The following BRCA2 variants were observed in gnomAD, a reference collection of about 807,000 sequenced individuals.
BRCA2 encodes the protein breast cancer type 2 susceptibility protein.
A neutral mutation model predicts 276.7 loss-of-function variants in BRCA2; 203 were observed. That is an observed-to-expected ratio of 0.73 (90% CI 0.65 to 0.82). The LOEUF is 0.82. BRCA2 is among the 40% of genes least tolerant of loss of function. The pLI, the probability that BRCA2 is intolerant of heterozygous loss-of-function variation, is 0.00. For missense variants in BRCA2, 3,920 were observed against 3,915.0 expected, an observed-to-expected ratio of 1.00 and a Z score of -0.03; for synonymous variants, 1,289 against 1,338.4, an observed-to-expected ratio of 0.96 and a Z score of 0.81.
In BRCA2 at chr13:32,326,540, T is replaced by C. The variant is rs1555281062; in HGVS notation, c.558T>C (p.Ala186=). Residue 186 remains alanine, a synonymous_variant, in exon 7 of 27, where the codon GCT becomes GCC. Coordinates refer to ENST00000380152, the MANE Select transcript of BRCA2 (RefSeq NM_000059.4). ...TPKHISESLG[A]EVDPDMSWSS... Reference sequence around the variant, plus strand: ...AACATATTTCTGAAAGTCTAGGAGCTGAGGTGGATCCTGATATGTCTTGGT... The same window carrying C: ...AACATATTTCTGAAAGTCTAGGAGCCGAGGTGGATCCTGATATGTCTTGGT... 1.2e-6 allele frequency: 2 copies of C among 1,613,932 alleles called. No individual in the cohort carries two copies. Among genetic ancestry groups the C allele is most frequent in the African/African-American group, 1.3e-5 (1 of 74,950 alleles).
Position 32,339,075 on chromosome 13 carries a change from A to G in BRCA2, c.4720A>G (p.Lys1574Glu). The change falls in exon 11 of 27, where the codon AAA (lysine) becomes GAA (glutamate). Residue 1574 changes from lysine to glutamate, a missense_variant. Transcript: ENST00000380152. ...AKTLKYREACKDLELACETIE... is the reference protein window; with the variant it reads ...AKTLKYREACEDLELACETIE... ...GACCCTAAAGTACAGAGAGGCCTGT[A>G]AAGACCTTGAATTAGCATGTGAGAC... 6.2e-7 allele frequency: 1 copy of G among 1,614,038 alleles called. No homozygotes were observed. The highest frequency in any genetic ancestry group is 8.5e-7 in the Non-Finnish European group (1 of 1,179,928).
Position 32,354,875 on chromosome 13 carries a change from G to A in BRCA2, c.7022G>A (p.Arg2341His), listed in dbSNP as rs786202839. The change falls in exon 14 of 27, where the codon CGT becomes CAT. Residue 2341 changes from arginine to histidine, a missense_variant. Arg to His is a conservative substitution (Grantham distance 29). This residue lies in a region of BRCA2 where 3,263 missense variants were observed against 3,156.9 expected (regional missense o/e 1.03). Coordinates refer to ENST00000380152, the MANE Select transcript of BRCA2 (RefSeq NM_000059.4). The part of the protein sequence containing the change: ...TCVPFRTTKE[R>H]QEIQNPNFTA... ...CCCCATTGCAGCACAACTAAGGAAC[G>A]TCAAGAGATACAGAATCCAAATTTT... 4 of 1,595,478 alleles carry A rather than the reference G, an allele frequency of 2.5e-6. No individual in the cohort carries two copies. Among genetic ancestry groups the A allele is most frequent in the Non-Finnish European group, 2.6e-6 (3 of 1,163,298 alleles).
intron 17 of BRCA2, among the ~76,000 whole-genome samples, chr13:32,362,900 C>A (rs1404489992): frequency 1.3e-5 from 2 of 152,126 alleles, no homozygotes; most frequent in African/African-American, 4.8e-5. Context: ...TTCCCCACCC[C>A]CTCCTTAACC....
rs755864117 is a variant in BRCA2 at position 32,398,067 on chromosome 13, T to G, written c.9649-95T>G. 3.6e-5 allele frequency: 49 copies of G among 1,353,902 alleles called. 1 individual carries two copies. The highest frequency in any genetic ancestry group is 1.2e-4 in the Admixed American group (6 of 51,840). The allele number at this position is 1,353,902 out of a possible 1,614,324, so 83.9% of individuals were successfully genotyped here. ...GGGGAGGGAGACTGTGTGTAATATT[T>G]GCGTGCTTAAATATTTTCAATGAAA... On this transcript the variant is annotated intron_variant, in intron 26 of 26. Transcript: ENST00000380152.
chr13:32,356,404 TG>T (rs1456603013), intron 14 of BRCA2, 23 bp from the exon 15 acceptor site: 2 of 1,606,016 alleles, frequency 1.2e-6, no homozygotes, highest in African/African-American at 2.7e-5. Flanking sequence ...ATTTTATTTT[TG>T]CTAAGTATTT....
At chr13:32,328,245 GTT>G (rs1173083833) in intron 7 of BRCA2, among the ~76,000 whole-genome samples, 1 of 139,354 alleles carries the variant, frequency 7.2e-6, no homozygotes. Flanking sequence ...TTTCTTTTTC[GTT>G]TTTTTTTTTT....
At position 32,380,156 on chromosome 13, in the gene BRCA2, ATATAGT is replaced by A. The variant is rs1555288595; in HGVS notation, c.9256+14_9256+19del. 1 of 1,597,584 alleles carries A rather than the reference ATATAGT, an allele frequency of 6.3e-7. No individual in the cohort carries two copies. Among genetic ancestry groups the A allele is most frequent in the Middle Eastern group, 1.7e-4 (1 of 5,970 alleles). On this transcript the variant is annotated intron_variant, in intron 24 of 26. Coordinates refer to ENST00000380152, the MANE Select transcript of BRCA2 (RefSeq NM_000059.4). ...TTGTGAAAAAAACAGGTAATGCACA[ATATAGT>A]TAATTTTTTTTATTGATTCTTTTAA...
intron 18 of BRCA2, among the ~76,000 whole-genome samples, chr13:32,366,657 A>C (rs958592762): frequency 6.6e-6 from 1 of 152,014 alleles, no homozygotes; most frequent in Non-Finnish European, 1.5e-5. Context: ...CCCCGTCTCT[A>C]CTAAAAATAT....
At position 32,340,343 on chromosome 13, in the gene BRCA2, A is replaced by G. The variant is rs773045221; in HGVS notation, c.5988A>G (p.Ala1996=). 1.9e-6 allele frequency: 3 copies of G among 1,614,030 alleles called. No individual in the cohort carries two copies. In the Admixed American group the frequency reaches 5.0e-5, roughly 27 times the overall value. The change falls in exon 11 of 27, where the codon GCA becomes GCG. Residue 1996 remains alanine, a synonymous_variant. Transcript: ENST00000380152. ...TATCAGATGCTTCATTACAAAACGC[A>G]AGACAAGTGTTTTCTGAAATAGAAG... ...VQVSDASLQN[A]RQVFSEIEDS...
chr13:32,370,875 G>C, intron 19 of BRCA2, 81 bp from the exon 20 acceptor site: 1 of 1,555,746 alleles, frequency 6.4e-7, no homozygotes, highest in South Asian at 1.1e-5. Flanking sequence ...TTACAGATGT[G>C]AGCCACTGTG....
At chr13:32,382,847 T>G (rs1302999951) in intron 24 of BRCA2, among the ~76,000 whole-genome samples, 1 of 152,228 alleles carries the variant, frequency 6.6e-6, no homozygotes, top group East Asian at 1.9e-4. Flanking sequence ...TGGGGCACTG[T>G]TCTCAGATAC....
chr13:32,364,883 A>G (rs1302314528), intron 18 of BRCA2, among the ~76,000 whole-genome samples: 1 of 152,096 alleles, frequency 6.6e-6, no homozygotes, highest in Non-Finnish European at 1.5e-5. Context: ...TTTCTGTGTT[A>G]GAAACCCCAT....
chr13:32,335,923 C>T (rs1053309926), intron 10 of BRCA2, among the ~76,000 whole-genome samples: 1 of 151,954 alleles, frequency 6.6e-6, no homozygotes, highest in Admixed American at 6.6e-5. Context: ...ATTCTGTTAC[C>T]TAGTCTGGAG....
rs1358226474 is a variant in BRCA2, at chr13:32,316,459, A to G, written c.-2A>G. 3.7e-6 allele frequency: 6 copies of G among 1,613,524 alleles called. No homozygotes were observed. The African/African-American group carries it at 8.0e-5, about 22-fold the overall frequency. ...AGCATTGGAGGAATATCGTAGGTAA[A>G]AATGCCTATTGGATCCAAAGAGAGG... On this transcript the variant is annotated 5_prime_UTR_variant, in exon 2 of 27. Coordinates refer to ENST00000380152, the MANE Select transcript of BRCA2 (RefSeq NM_000059.4).
chr13:32,400,257 T>G lies in BRCA2; in HGVS notation c.*1487T>G, dbSNP rs2073074295. 6.6e-6 allele frequency: 1 copy of G among 152,248 alleles called. No homozygotes were observed. The highest frequency in any genetic ancestry group is 1.5e-5 in the Non-Finnish European group (1 of 68,036). 9.4% of individuals were successfully genotyped at this position (152,248 alleles called of 1,614,324 possible). ...ACGTTTAAAGCCAAGAATAAATCTT[T>G]TAAAAAATTGACTTGTTTCCTTCCA... On this transcript the variant is annotated 3_prime_UTR_variant, in exon 27 of 27. Transcript: ENST00000380152.
chr13:32,357,511 G>T (rs1297393615), intron 15 of BRCA2, among the ~76,000 whole-genome samples: 1 of 152,178 alleles, frequency 6.6e-6, no homozygotes, highest in Non-Finnish European at 1.5e-5. Context: ...AGCAGGAGGC[G>T]TATAAACGGG....
intron 16 of BRCA2, among the ~76,000 whole-genome samples, chr13:32,361,956 C>G (rs2072740062): frequency 6.6e-6 from 1 of 152,064 alleles, no homozygotes; most frequent in Non-Finnish European, 1.5e-5. Context: ...TATTTAAAAT[C>G]AAGGATCTCA....
At chr13:32,328,627 G>A (rs2137456809) in intron 7 of BRCA2, among the ~76,000 whole-genome samples, 1 of 152,174 alleles carries the variant, frequency 6.6e-6, no homozygotes, top group Middle Eastern at 3.4e-3. Context: ...TGAAAATTCT[G>A]AGTACATCAC....
In BRCA2 at chr13:32,398,897, A is replaced by T; in HGVS notation, c.*127A>T. The T allele has an allele frequency of 7.8e-7, 1 of 1,281,032 alleles. No individual in the cohort carries two copies. Among genetic ancestry groups the T allele is most frequent in the Non-Finnish European group, 1.0e-6 (1 of 954,806 alleles). 79.4% of individuals were successfully genotyped at this position (1,281,032 alleles called of 1,614,324 possible). A position where few individuals can be genotyped will look rare whatever the true frequency, so the allele number is the denominator to read the frequency against. ...GAGAAAAGAAATTAGTTTCAAATTT[A>T]CCTCAGCGTTTGTGTATCGGGCAAA... On this transcript the variant is annotated 3_prime_UTR_variant, in exon 27 of 27. Transcript: ENST00000380152.
Sources: allele counts gnomAD v4.1 joint callset (sites outside exome capture counted in the v4.1 genomes callset), GRCh38; gene constraint gnomAD v4.1.1; regional missense constraint gnomAD v4.1.1; transcripts MANE v1.5; gene names NCBI Gene and HGNC (gene_info 2026-07-23, HGNC 2026-07-21).